Variants in MSRA observed in about 807,000 individuals in gnomAD.
MSRA encodes the protein mitochondrial peptide methionine sulfoxide reductase.
In MSRA, 54 loss-of-function variants were observed where a neutral mutation model predicts 31.3. The observed-to-expected ratio is 1.73, with a 90% CI of 1.39 to 2.17. The LOEUF (loss-of-function observed/expected upper bound fraction) is 2.17, where lower values mean the gene tolerates loss of function less well. Ranked by LOEUF, MSRA falls within the 30% of genes most tolerant of loss-of-function variation. MSRA has a pLI of 0.00. For missense variants in MSRA, 507 were observed against 300.9 expected, an observed-to-expected ratio of 1.69 and a Z score of -5.07; for synonymous variants, 169 against 116.5, an observed-to-expected ratio of 1.45 and a Z score of -2.90.
chr8:10,280,289 A>G (rs560864164), intron 3 of MSRA, among the ~76,000 whole-genome samples: 30 of 152,152 alleles, frequency 2.0e-4, no homozygotes, highest in Admixed American at 7.2e-4. Flanking sequence ...TCCATCCTTC[A>G]AATACCTTCG....
At chr8:10,267,735 A>T (rs1798820903) in intron 3 of MSRA, among the ~76,000 whole-genome samples, 1 of 152,132 alleles carries the variant, frequency 6.6e-6, no homozygotes, top group Middle Eastern at 3.2e-3. Flanking sequence ...CCCGACACCA[A>T]TTTCGCTATC....
At chr8:10,387,727 G>A (rs1466625105) in intron 5 of MSRA, among the ~76,000 whole-genome samples, 1 of 152,242 alleles carries the variant, frequency 6.6e-6, no homozygotes, top group Non-Finnish European at 1.5e-5. Flanking sequence ...TCTGGGCATG[G>A]TGATGACTTT....
intron 2 of MSRA, among the ~76,000 whole-genome samples, chr8:10,241,664 T>C (rs1812426002): frequency 6.6e-6 from 1 of 152,182 alleles, no homozygotes; most frequent in Admixed American, 6.5e-5. Flanking sequence ...TTAATACATC[T>C]AGGCATTGAG....
At chr8:10,287,996 G>C (rs1247122944) in intron 3 of MSRA, among the ~76,000 whole-genome samples, 1 of 152,100 alleles carries the variant, frequency 6.6e-6, no homozygotes, top group Non-Finnish European at 1.5e-5. Context: ...CTGCATCCCA[G>C]AGAGTGCTCA....
intron 1 of MSRA, among the ~76,000 whole-genome samples, chr8:10,153,276 A>T (rs376462422): frequency 6.6e-6 from 1 of 152,174 alleles, no homozygotes; most frequent in Non-Finnish European, 1.5e-5. Flanking sequence ...TGGATGAGGC[A>T]TGAGGTGGGG....
chr8:10,090,631 G>A (rs183404032), intron 1 of MSRA, among the ~76,000 whole-genome samples: 8 of 152,278 alleles, frequency 5.3e-5, no homozygotes, highest in South Asian at 2.1e-4. Context: ...CCATTAAACC[G>A]TGAAAATGTT....
chr8:10,077,479 CTT>C (rs10714477), intron 1 of MSRA, among the ~76,000 whole-genome samples: 1,601 of 101,248 alleles, frequency 0.016, 33 homozygotes, highest in African/African-American at 0.045. Context: ...CTACCTTCTC[CTT>C]TTTTTTTTTT....
intron 4 of MSRA, among the ~76,000 whole-genome samples, chr8:10,316,603 TCTCCCTTCCTCC>T (rs1801742410): frequency 6.8e-6 from 1 of 146,306 alleles, no homozygotes; most frequent in East Asian, 2.0e-4. Flanking sequence ...CCCCTCCCTC[TCTCCCTTCCTCC>T]CTTTTGATGA....
At position 10,227,516 on chromosome 8, in the gene MSRA, A is replaced by G. The variant is rs111794872; in HGVS notation, c.212-17588A>G. ...AAGGAAGGTCCCTTCCAACCTTGGA[A>G]TTCTGATTCTTGACCCCTCTTGGTA... On this transcript the variant is annotated intron_variant, in intron 2 of 5. Coordinates refer to ENST00000317173, the MANE Select transcript of MSRA (RefSeq NM_012331.5). 1.5e-3 allele frequency among the ~76,000 whole-genome samples: 227 copies of G among 152,296 alleles called. 1 individual carries two copies. The highest frequency in any genetic ancestry group is 5.3e-3 in the African/African-American group (220 of 41,574).
chr8:10,055,780 G>T (rs1329967241), intron 1 of MSRA, among the ~76,000 whole-genome samples: 2 of 152,204 alleles, frequency 1.3e-5, no homozygotes, highest in Non-Finnish European at 2.9e-5. Flanking sequence ...TTGAGAGTTT[G>T]TCATCTCGTA....
intron 1 of MSRA, among the ~76,000 whole-genome samples, chr8:10,153,992 C>T (rs1252186544): frequency 6.6e-6 from 1 of 152,088 alleles, no homozygotes; most frequent in Non-Finnish European, 1.5e-5. Flanking sequence ...TATTCAATGC[C>T]TTGTGGTCAA....
At chr8:10,413,250 G>C (rs1315473219) in intron 5 of MSRA, among the ~76,000 whole-genome samples, 1 of 152,222 alleles carries the variant, frequency 6.6e-6, no homozygotes, top group Non-Finnish European at 1.5e-5. Flanking sequence ...ACAGCCCTCA[G>C]CAAAGGTAGG....
intron 3 of MSRA, among the ~76,000 whole-genome samples, chr8:10,275,863 G>A (rs2952163): frequency 2.6e-5 from 4 of 152,182 alleles, no homozygotes; most frequent in African/African-American, 4.8e-5. Flanking sequence ...TGGAAATGAC[G>A]CCTCTTGACC....
intron 2 of MSRA, among the ~76,000 whole-genome samples, chr8:10,219,186 C>G (rs1178388579): frequency 6.6e-6 from 1 of 152,216 alleles, no homozygotes; most frequent in Non-Finnish European, 1.5e-5. Context: ...CTCAGGGATG[C>G]TGCCCATAGC....
At chr8:10,217,019 A>G (rs1563229574) in intron 2 of MSRA, among the ~76,000 whole-genome samples, 1 of 152,210 alleles carries the variant, frequency 6.6e-6, no homozygotes, top group East Asian at 1.9e-4. Context: ...CATTCCCACC[A>G]GCGAACCACA....
intron 5 of MSRA, among the ~76,000 whole-genome samples, chr8:10,392,293 A>G (rs1395813802): frequency 6.6e-6 from 1 of 152,234 alleles, no homozygotes; most frequent in African/African-American, 2.4e-5. Flanking sequence ...ACATTGAGCA[A>G]TGCTTACATG....
intron 1 of MSRA, chr8:10,095,629 C>T (rs1799101504): frequency 2.0e-6 from 2 of 990,584 alleles, no homozygotes; most frequent in Non-Finnish European, 2.4e-6. Context: ...CTTGGCACAG[C>T]TCAGTCAAAT....
intron 1 of MSRA, among the ~76,000 whole-genome samples, chr8:10,113,103 T>G (rs1385173031): frequency 1.3e-5 from 2 of 151,934 alleles, no homozygotes; most frequent in Non-Finnish European, 2.9e-5. Context: ...TTGTTCATGG[T>G]TTTATCCTCA....
intron 5 of MSRA, among the ~76,000 whole-genome samples, chr8:10,394,862 A>G (rs1434318458): frequency 6.6e-6 from 1 of 152,226 alleles, no homozygotes; most frequent in Non-Finnish European, 1.5e-5. Flanking sequence ...ATTTCTTTCA[A>G]GATTGTCCAT....
Sources: gnomAD v4.1 joint callset for allele counts (sites outside exome capture counted in the v4.1 genomes callset) on GRCh38, gnomAD v4.1.1 for gene constraint, MANE v1.5 for transcripts, NCBI Gene and HGNC (gene_info 2026-07-23, HGNC 2026-07-21) for gene names.